The following ASB18 variants were observed in gnomAD, a reference collection of about 807,000 sequenced individuals.
The protein encoded by ASB18 is ankyrin repeat and SOCS box protein 18.
Under a neutral mutation model 33.4 loss-of-function variants are expected in ASB18, and 33 were observed. That is an observed-to-expected ratio of 0.99 (90% CI 0.75 to 1.32). ASB18 has a LOEUF of 1.32. ASB18 is among the 40% of genes most tolerant of loss of function. The pLI is 0.00. For missense variants in ASB18, 694 were observed against 655.5 expected (o/e 1.06, Z -0.64); for synonymous variants, 295 against 307.6 (o/e 0.96, Z 0.43).
rs776848115 is a variant in ASB18, at chr2:236,220,867, C to T, written c.597-6001G>A. On this transcript the variant is annotated intron_variant, in intron 3 of 5. Coordinates refer to ENST00000409749, the MANE Select transcript of ASB18 (RefSeq NM_212556.4). This position sits in a 1 kb window ranked among gnomAD's most constrained non-coding sequence, Gnocchi z 5.1. ...CAGAGAACATGTGCCATGCTCCTTT[C>T]GAGGTAAGGAGAAGTGTTTCTCCTC... Among the ~76,000 whole-genome samples the T allele has an allele frequency of 5.3e-5, 8 of 152,132 alleles. No homozygotes were observed. Among genetic ancestry groups the T allele is most frequent in the East Asian group, 1.9e-4 (1 of 5,182 alleles).
rs1456108415 is a variant in ASB18 at position 236,229,197 on chromosome 2, A to G, written c.596+8492T>C. 6.6e-6 allele frequency among the ~76,000 whole-genome samples: 1 copy of G among 152,274 alleles called. No homozygotes were observed. Among genetic ancestry groups the G allele is most frequent in the Non-Finnish European group, 1.5e-5 (1 of 68,054 alleles). On this transcript the variant is annotated intron_variant, in intron 3 of 5. Transcript: ENST00000409749. The surrounding 1 kb of genome is among the most constrained non-coding windows in gnomAD (Gnocchi z 5.2). ...TGAGAAGCTAGAGGAAAGACTGACCATGTTAAGTAAAATACAGAAATATAA... is the reference window on the plus strand; with the variant it reads ...TGAGAAGCTAGAGGAAAGACTGACCGTGTTAAGTAAAATACAGAAATATAA...
intron 4 of ASB18, among the ~76,000 whole-genome samples, chr2:236,199,133 C>G (rs370542914): frequency 4.6e-5 from 7 of 152,096 alleles, no homozygotes; most frequent in African/African-American, 1.7e-4. Context: ...TTTTCCAGGT[C>G]GGAAGTGGTG....
In ASB18 at chr2:236,211,011, A is replaced by G. The variant is rs1447720746; in HGVS notation, c.1101+3351T>C. Among the ~76,000 whole-genome samples the G allele has an allele frequency of 1.3e-5, 2 of 152,238 alleles. No individual in the cohort carries two copies. The highest frequency in any genetic ancestry group is 4.8e-5 in the African/African-American group (2 of 41,472). On this transcript the variant is annotated intron_variant, in intron 4 of 5. Coordinates refer to ENST00000409749, the MANE Select transcript of ASB18 (RefSeq NM_212556.4). The surrounding 1 kb of genome is among the most constrained non-coding windows in gnomAD (Gnocchi z 5.0). ...TTGGAAAAAGATCACATGGGACTTCATGACTGTTTCACAGATTCGTATTCC... is the reference window on the plus strand; with the variant it reads ...TTGGAAAAAGATCACATGGGACTTCGTGACTGTTTCACAGATTCGTATTCC...
chr2:236,202,984 C>T (rs989592502), intron 4 of ASB18, among the ~76,000 whole-genome samples: 2 of 151,690 alleles, frequency 1.3e-5, no homozygotes, highest in Admixed American at 1.3e-4. Context: ...ATTTATATTG[C>T]GTATCTCCTT....
chr2:236,236,591 C>T (rs2060590211), intron 3 of ASB18, among the ~76,000 whole-genome samples: 1 of 151,892 alleles, frequency 6.6e-6, no homozygotes, highest in Non-Finnish European at 1.5e-5. Context: ...CTTCCTCTTT[C>T]TCAAGACTGG....
chr2:236,204,696 C>T lies in ASB18; in HGVS notation c.1102-8311G>A, dbSNP rs913769475. ...TCCCAACCTGCTGTGCCACCCATAA[C>T]CTGCCCCATTCCCAAGTGATAGCAA... On this transcript the variant is annotated intron_variant, in intron 4 of 5. Coordinates refer to ENST00000409749, the MANE Select transcript of ASB18 (RefSeq NM_212556.4). This position sits in a 1 kb window ranked among gnomAD's most constrained non-coding sequence, Gnocchi z 5.1. Among the ~76,000 whole-genome samples the T allele has an allele frequency of 6.6e-6, 1 of 152,170 alleles. No homozygotes were observed. Among genetic ancestry groups the T allele is most frequent in the Non-Finnish European group, 1.5e-5 (1 of 68,042 alleles).
rs902490983 is a variant in ASB18, at chr2:236,195,244, C to T, written c.1216-187G>A. Among the ~76,000 whole-genome samples, 6 of 152,184 alleles carry T rather than the reference C, an allele frequency of 3.9e-5. No homozygotes were observed. Among genetic ancestry groups the T allele is most frequent in the Admixed American group, 1.3e-4 (2 of 15,290 alleles). ...TACCCCAGGGGCTTGTGTGCTCTCC[C>T]AAAGCACAGTTCCTGCCGAGTGAGA... On this transcript the variant is annotated intron_variant, in intron 5 of 5. Coordinates refer to ENST00000409749, the MANE Select transcript of ASB18 (RefSeq NM_212556.4). The surrounding 1 kb of genome is among the most constrained non-coding windows in gnomAD (Gnocchi z 5.5).
chr2:236,201,539 T>C (rs1201574020), intron 4 of ASB18, among the ~76,000 whole-genome samples: 1 of 152,238 alleles, frequency 6.6e-6, no homozygotes, highest in Non-Finnish European at 1.5e-5. Context: ...AATGGTTATT[T>C]TTTAAAATGA....
chr2:236,245,139 G>A lies in ASB18; in HGVS notation c.206-3737C>T, dbSNP rs1287123704. On this transcript the variant is annotated intron_variant, in intron 1 of 5. Coordinates refer to ENST00000409749, the MANE Select transcript of ASB18 (RefSeq NM_212556.4). This position sits in a 1 kb window ranked among gnomAD's most constrained non-coding sequence, Gnocchi z 4.7. Reference sequence around the variant, plus strand: ...ACCCAAATTGGTTGCCACGGGGGCCGTAGGTTTATTTTTTACCATGTTTAT... The same window carrying A: ...ACCCAAATTGGTTGCCACGGGGGCCATAGGTTTATTTTTTACCATGTTTAT... 6.6e-6 allele frequency among the ~76,000 whole-genome samples: 1 copy of A among 152,186 alleles called. No homozygotes were observed. Among genetic ancestry groups the A allele is most frequent in the Non-Finnish European group, 1.5e-5 (1 of 68,038 alleles).
At chr2:236,261,115 T>C (rs1205209643) in intron 1 of ASB18, among the ~76,000 whole-genome samples, 2 of 152,156 alleles carry the variant, frequency 1.3e-5, no homozygotes, top group Non-Finnish European at 2.9e-5. Context: ...AACCTTCCCA[T>C]TGAGCCCCCC....
intron 3 of ASB18, among the ~76,000 whole-genome samples, chr2:236,232,050 A>AAT (rs1346667362): frequency 6.6e-6 from 1 of 152,222 alleles, no homozygotes; most frequent in Non-Finnish European, 1.5e-5. Flanking sequence ...ACTACTGCAG[A>AAT]ATATACATTC....
chr2:236,264,351 C>A lies in ASB18; in HGVS notation c.-6G>T. On this transcript the variant is annotated 5_prime_UTR_variant, in exon 1 of 6. Transcript: ENST00000409749. The surrounding 1 kb of genome is among the most constrained non-coding windows in gnomAD (Gnocchi z 5.1). ...AGGTAATCCGAGTTGGACATTGTTA[C>A]GTCGTTTCTGCAGTGACCAGCCCTT... 1.2e-6 allele frequency: 2 copies of A among 1,613,184 alleles called. No individual in the cohort carries two copies. The highest frequency in any genetic ancestry group is 1.7e-6 in the Non-Finnish European group (2 of 1,179,282).
At chr2:236,202,814 T>TATATATATATATATATATATATACACAC (rs1472095135) in intron 4 of ASB18, among the ~76,000 whole-genome samples, 19 of 126,548 alleles carry the variant, frequency 1.5e-4, no homozygotes, top group African/African-American at 5.5e-4. Context: ...TATATATATA[T>TATATATATATATATATATATATACACAC]ACACACACCT....
chr2:236,258,145 C>G (rs1032048663), intron 1 of ASB18, among the ~76,000 whole-genome samples: 3 of 152,230 alleles, frequency 2.0e-5, no homozygotes, highest in African/African-American at 7.2e-5. Context: ...CCTACTTGAC[C>G]TGAAACTCAC....
rs1022627139 is a variant in ASB18, at chr2:236,228,458, G to A, written c.596+9231C>T. Among the ~76,000 whole-genome samples the A allele has an allele frequency of 6.6e-6, 1 of 152,142 alleles. No individual in the cohort carries two copies. Among genetic ancestry groups the A allele is most frequent in the Admixed American group, 6.6e-5 (1 of 15,266 alleles). On this transcript the variant is annotated intron_variant, in intron 3 of 5. Transcript: ENST00000409749. The surrounding 1 kb of genome is among the most constrained non-coding windows in gnomAD (Gnocchi z 5.1). ...TTCACACAGAAAGAACTTTGCAGAG[G>A]GCCCCCTTGATTATTCAGCTCAATA...
chr2:236,229,515 C>A lies in ASB18; in HGVS notation c.596+8174G>T, dbSNP rs1353983809. Among the ~76,000 whole-genome samples, 1 of 152,026 alleles carries A rather than the reference C, an allele frequency of 6.6e-6. No homozygotes were observed. The highest frequency in any genetic ancestry group is 1.5e-5 in the Non-Finnish European group (1 of 68,006). On this transcript the variant is annotated intron_variant, in intron 3 of 5. Transcript: ENST00000409749. The surrounding 1 kb of genome is among the most constrained non-coding windows in gnomAD (Gnocchi z 5.2). ...TGAAAAGCATATAAACCCACAGATC[C>A]AAGATACTCAATGAATCCCAAGCAT...
chr2:236,214,981 CTCTCCCAT>C lies in ASB18; in HGVS notation c.597-123_597-116del. On this transcript the variant is annotated intron_variant, in intron 3 of 5. Coordinates refer to ENST00000409749, the MANE Select transcript of ASB18 (RefSeq NM_212556.4). This position sits in a 1 kb window ranked among gnomAD's most constrained non-coding sequence, Gnocchi z 6.5. ...CCTCTGAATGAAAAGACATGCTCCGCTCTCCCATACCAAGGCGTCAGGAGTTCAAACTA... is the reference window on the plus strand; with the variant it reads ...CCTCTGAATGAAAAGACATGCTCCGCACCAAGGCGTCAGGAGTTCAAACTA... 3.9e-6 allele frequency: 3 copies of C among 762,454 alleles called. No individual in the cohort carries two copies. Among genetic ancestry groups the C allele is most frequent in the Non-Finnish European group, 5.2e-6 (3 of 580,162 alleles). The allele number at this position is 762,454 out of a possible 1,614,324, so 47.2% of individuals were successfully genotyped here.
chr2:236,253,275 G>A lies in ASB18; in HGVS notation c.205+10866C>T, dbSNP rs1226105891. 6.6e-6 allele frequency among the ~76,000 whole-genome samples: 1 copy of A among 152,184 alleles called. No homozygotes were observed. Among genetic ancestry groups the A allele is most frequent in the Non-Finnish European group, 1.5e-5 (1 of 68,040 alleles). On this transcript the variant is annotated intron_variant, in intron 1 of 5. Transcript: ENST00000409749. This position sits in a 1 kb window ranked among gnomAD's most constrained non-coding sequence, Gnocchi z 5.4. ...CTGAGGTGTTGTGGAGATGTGGCTT[G>A]GACCAGAGTTTCTCAAGCACCCGAG...
At position 236,196,423 on chromosome 2, in the gene ASB18, TG is replaced by T; in HGVS notation, c.1102-39del. 9.0e-7 allele frequency: 1 copy of T among 1,106,814 alleles called. No individual in the cohort carries two copies. Among genetic ancestry groups the T allele is most frequent in the Non-Finnish European group, 1.3e-6 (1 of 749,770 alleles). 68.6% of individuals were successfully genotyped at this position (1,106,814 alleles called of 1,614,324 possible). A position where few individuals can be genotyped will look rare whatever the true frequency, so the allele number is the denominator to read the frequency against. The stretch of plus-strand genomic sequence containing the variant: ...GGTGAAAGACGCAGCGTAGGCCGAC[TG>T]GGTTCTGGGTCTCAGTGGGGAAAGG... On this transcript the variant is annotated intron_variant, in intron 4 of 5. Transcript: ENST00000409749. This position sits in a 1 kb window ranked among gnomAD's most constrained non-coding sequence, Gnocchi z 5.6.
Sources: allele counts gnomAD v4.1 joint callset (sites outside exome capture counted in the v4.1 genomes callset), GRCh38; gene constraint gnomAD v4.1.1; non-coding constraint Gnocchi (gnomAD v3.1); transcripts MANE v1.5; gene names NCBI Gene and HGNC (gene_info 2026-07-23, HGNC 2026-07-21).